The following VPS13D variants were observed in gnomAD, a reference collection of about 807,000 sequenced individuals.
VPS13D encodes vacuolar protein sorting 13 homolog D.
In VPS13D, 187 loss-of-function variants were observed where a neutral mutation model predicts 461.9. The ratio of observed to expected loss-of-function variants is 0.40; its 90% CI spans 0.36 to 0.46. The LOEUF (loss-of-function observed/expected upper bound fraction) is 0.46. VPS13D is among the 20% of genes least tolerant of loss of function. The pLI, the probability that VPS13D is intolerant of heterozygous loss-of-function variation, is 0.60. For synonymous variants in VPS13D, 1,951 were observed against 1,986.3 expected (o/e 0.98, Z 0.47); for missense variants, 4,711 against 5,364.9 (o/e 0.88, Z 3.81).
At chr1:12,266,361 A>G (rs1641267880) in intron 13 of VPS13D, among the ~76,000 whole-genome samples, 1 of 152,242 alleles carries the variant, frequency 6.6e-6, no homozygotes, top group African/African-American at 2.4e-5. Flanking sequence ...CAGTTGATGT[A>G]GCAAACTTCG....
intron 7 of VPS13D, among the ~76,000 whole-genome samples, chr1:12,255,299 T>C (rs1173901482): frequency 6.6e-6 from 1 of 152,200 alleles, no homozygotes; most frequent in Non-Finnish European, 1.5e-5. Context: ...TAAAACAATA[T>C]GCAGCTATAA....
At chr1:12,304,829 C>T (rs536092482) in intron 26 of VPS13D, 101 bp downstream of exon 26, 39 of 1,137,054 alleles carry the variant, frequency 3.4e-5, no homozygotes, top group African/African-American at 1.2e-4. Flanking sequence ...CAAATGTTAA[C>T]GAAGAGATAG....
intron 60 of VPS13D, among the ~76,000 whole-genome samples, chr1:12,388,017 C>T (rs1644371189): frequency 6.6e-6 from 1 of 152,110 alleles, no homozygotes; most frequent in Non-Finnish European, 1.5e-5. Flanking sequence ...GAAGTCTGTT[C>T]TACACAAAGT....
chr1:12,333,532 C>G (rs1287519668), intron 38 of VPS13D, among the ~76,000 whole-genome samples, 166 bp downstream of exon 38: 2 of 152,222 alleles, frequency 1.3e-5, no homozygotes, highest in African/African-American at 4.8e-5. Context: ...GATTCTCAAC[C>G]TGTTTCTCCA....
intron 67 of VPS13D, among the ~76,000 whole-genome samples, chr1:12,486,651 G>A (rs1378308231): frequency 6.6e-6 from 1 of 152,218 alleles, no homozygotes; most frequent in East Asian, 1.9e-4. Context: ...CCCCACGTTG[G>A]AATGATCAGC....
At chr1:12,446,860 C>T (rs1645198980) in intron 65 of VPS13D, among the ~76,000 whole-genome samples, 1 of 152,206 alleles carries the variant, frequency 6.6e-6, no homozygotes, top group Non-Finnish European at 1.5e-5. Flanking sequence ...ATAAATGGTA[C>T]ATACTAGTAA....
intron 44 of VPS13D, among the ~76,000 whole-genome samples, chr1:12,346,882 A>T (rs28562713): frequency 0.012 from 1,842 of 152,354 alleles, 18 homozygotes; most frequent in Non-Finnish European, 0.021. Context: ...AGGAGAAGGA[A>T]AAGGCAAATG....
chr1:12,284,097 C>T (rs1641892572), intron 21 of VPS13D, among the ~76,000 whole-genome samples: 1 of 152,162 alleles, frequency 6.6e-6, no homozygotes. Flanking sequence ...TCTGTAATAG[C>T]AACTTTAAAG....
chr1:12,439,595 C>T (rs775368360), intron 65 of VPS13D, among the ~76,000 whole-genome samples: 4 of 152,042 alleles, frequency 2.6e-5, no homozygotes, highest in African/African-American at 4.8e-5. Context: ...ATACAACATA[C>T]GAATTTTGGA....
Position 12,329,912 on chromosome 1 carries a change from C to T in VPS13D, c.8281C>T (p.Leu2761Phe). 2 of 1,606,198 alleles carry T rather than the reference C, an allele frequency of 1.2e-6. No homozygotes were observed. The highest frequency in any genetic ancestry group is 1.7e-6 in the Non-Finnish European group (2 of 1,175,258). ...TTCTGGAGATTATTATAACCGTGCT[C>T]TTTCAGGTCAGTATAAAGCATATGT... Reference protein sequence around the residue: ...TLSGDYYNRALSGWEPFIEPW... With the variant: ...TLSGDYYNRAFSGWEPFIEPW... The change falls in exon 37 of 70, where the codon CTT becomes TTT. Residue 2761 changes from leucine to phenylalanine, a missense_variant. By Grantham distance (22) the Leu-to-Phe change is conservative (BLOSUM62 0). Coordinates refer to ENST00000620676, the MANE Select transcript of VPS13D (RefSeq NM_015378.4).
intron 52 of VPS13D, among the ~76,000 whole-genome samples, chr1:12,366,020 A>G (rs887953149): frequency 1.3e-5 from 2 of 151,648 alleles, no homozygotes; most frequent in South Asian, 2.1e-4. Context: ...CCTCCTGCCT[A>G]CTGAGTAGCT....
intron 25 of VPS13D, among the ~76,000 whole-genome samples, 192 bp from the exon 26 acceptor site, chr1:12,304,314 C>T (rs1311340287): frequency 6.6e-6 from 1 of 152,114 alleles, no homozygotes; most frequent in Non-Finnish European, 1.5e-5. Flanking sequence ...TTTTTTGTGG[C>T]AGTAAATGTC....
chr1:12,378,286 A>G (rs747527787), intron 55 of VPS13D, 142 bp from the exon 56 acceptor site: 385 of 646,984 alleles, frequency 6.0e-4, no homozygotes, highest in Non-Finnish European at 8.0e-4. Context: ...GTTTGAATTA[A>G]GCATTTATAT....
At chr1:12,258,525 A>G (rs1640992063) in intron 10 of VPS13D, among the ~76,000 whole-genome samples, 1 of 152,216 alleles carries the variant, frequency 6.6e-6, no homozygotes, top group Admixed American at 6.5e-5. Flanking sequence ...TTTAGGTTGT[A>G]GAGGCTAGGC....
At chr1:12,233,925 G>A (rs1448412967) in intron 1 of VPS13D, among the ~76,000 whole-genome samples, 1 of 152,138 alleles carries the variant, frequency 6.6e-6, no homozygotes, top group African/African-American at 2.4e-5. Context: ...GTGGGCAGCT[G>A]TCATCCCAGC....
At chr1:12,325,091 C>T (rs1271736618) in intron 35 of VPS13D, among the ~76,000 whole-genome samples, 3 of 151,964 alleles carry the variant, frequency 2.0e-5, no homozygotes, top group African/African-American at 7.3e-5. Flanking sequence ...TTTTTTTTCC[C>T]CCTTTTTTAA....
At chr1:12,326,452 C>G (rs1263508384) in intron 35 of VPS13D, among the ~76,000 whole-genome samples, 1 of 151,500 alleles carries the variant, frequency 6.6e-6, no homozygotes, top group African/African-American at 2.4e-5. Context: ...ATCCTCCCAC[C>G]TAAGCCTCCT....
intron 65 of VPS13D, among the ~76,000 whole-genome samples, chr1:12,429,666 G>A (rs578074966): frequency 2.0e-5 from 3 of 152,302 alleles, no homozygotes; most frequent in African/African-American, 2.4e-5. Context: ...AGCCAAAATC[G>A]TACTATAGCA....
chr1:12,333,441 T>C, intron 38 of VPS13D, 75 bp downstream of exon 38: 1 of 1,559,816 alleles, frequency 6.4e-7, no homozygotes, highest in Non-Finnish European at 8.7e-7. Context: ...CTATTAATCC[T>C]GGTTTAGCAA....
Sources: gnomAD v4.1 joint callset for allele counts (sites outside exome capture counted in the v4.1 genomes callset) on GRCh38, gnomAD v4.1.1 for gene constraint, MANE v1.5 for transcripts, NCBI Gene and HGNC (gene_info 2026-07-23, HGNC 2026-07-21) for gene names.